PLEKHA6: variants seen among roughly 807,000 people sequenced by gnomAD.
PLEKHA6 encodes the protein pleckstrin homology domain containing A6.
A neutral mutation model predicts 116.7 loss-of-function variants in PLEKHA6; 60 were observed. That is an observed-to-expected ratio of 0.51 (90% confidence interval 0.42 to 0.64). The LOEUF (loss-of-function observed/expected upper bound fraction) is 0.64, where lower values mean the gene tolerates loss of function less well. Among genes scored for constraint, PLEKHA6 ranks in the 30% least tolerant of loss-of-function variants. PLEKHA6 has a pLI of 0.00. For missense variants in PLEKHA6, 1,338 were observed against 1,422.7 expected (o/e 0.94, Z 0.96); for synonymous variants, 489 against 556.1 (o/e 0.88, Z 1.70).
intron 17 of PLEKHA6, among the ~76,000 whole-genome samples, chr1:204,232,049 A>G (rs1221739419): frequency 1.3e-5 from 2 of 152,194 alleles, no homozygotes; most frequent in African/African-American, 4.8e-5. Context: ...GCTTCTGGTA[A>G]GGTCTCAGAA....
intron 17 of PLEKHA6, among the ~76,000 whole-genome samples, chr1:204,232,443 G>A (rs1000324128): frequency 1.6e-4 from 24 of 152,090 alleles, no homozygotes; most frequent in African/African-American, 5.8e-4. Context: ...AAAGAGATTA[G>A]GTATGTCTCA....
chr1:204,241,956 TGGGA>T, intron 15 of PLEKHA6, 142 bp from the exon 16 acceptor site: 1 of 891,196 alleles, frequency 1.1e-6, no homozygotes, highest in Non-Finnish European at 1.8e-6. Context: ...GTGTGCCGCC[TGGGA>T]GGCGGACAGG....
chr1:204,274,258 C>T (rs958286733), intron 2 of PLEKHA6, among the ~76,000 whole-genome samples: 1 of 152,120 alleles, frequency 6.6e-6, no homozygotes, highest in East Asian at 1.9e-4. Context: ...AAAATCTAGA[C>T]CCTGGGGATC....
intron 1 of PLEKHA6, among the ~76,000 whole-genome samples, chr1:204,336,382 G>A (rs1672649290): frequency 6.6e-6 from 1 of 152,170 alleles, no homozygotes; most frequent in African/African-American, 2.4e-5. Context: ...TGAAATGCAA[G>A]GTCTTTTACA....
At chr1:204,372,932 C>T (rs1410549463) in intron 1 of PLEKHA6, among the ~76,000 whole-genome samples, 3 of 146,060 alleles carry the variant, frequency 2.1e-5, no homozygotes, top group African/African-American at 5.1e-5. Flanking sequence ...TTTTTTTTGA[C>T]GGTCTCACTC....
chr1:204,311,674 G>C (rs750462647), intron 1 of PLEKHA6: 6 of 971,224 alleles, frequency 6.2e-6, no homozygotes, highest in Non-Finnish European at 7.3e-6. Context: ...TCAACTCTTT[G>C]GAACTGAAAG....
At chr1:204,307,076 G>T (rs548794605) in intron 1 of PLEKHA6, among the ~76,000 whole-genome samples, 89 of 152,282 alleles carry the variant, frequency 5.8e-4, no homozygotes, top group African/African-American at 2.1e-3. Context: ...AGAGAAAGAA[G>T]GGATAAATGA....
chr1:204,231,472 T>C (rs1381615126), intron 17 of PLEKHA6, among the ~76,000 whole-genome samples: 1 of 152,204 alleles, frequency 6.6e-6, no homozygotes, highest in Non-Finnish European at 1.5e-5. Context: ...TCCTCCAGTA[T>C]ACTTTAAATC....
At chr1:204,328,043 T>G (rs907891785) in intron 1 of PLEKHA6, among the ~76,000 whole-genome samples, 1 of 126,850 alleles carries the variant, frequency 7.9e-6, no homozygotes, top group Non-Finnish European at 1.6e-5. Flanking sequence ...CTGCTTTTAT[T>G]TATTTTATTT....
At chr1:204,276,331 T>A (rs1668001124) in intron 1 of PLEKHA6, among the ~76,000 whole-genome samples, 1 of 151,916 alleles carries the variant, frequency 6.6e-6, no homozygotes. Flanking sequence ...ACTCCCCACT[T>A]CCCAAACTTT....
At chr1:204,375,408 C>T (rs73061830) in intron 1 of PLEKHA6, among the ~76,000 whole-genome samples, 11,531 of 152,144 alleles carry the variant, frequency 0.076, 699 homozygotes, top group African/African-American at 0.17. Context: ...AGCTTCACCT[C>T]TGATTCCTCC....
intron 1 of PLEKHA6, among the ~76,000 whole-genome samples, chr1:204,316,035 A>G (rs1671844297): frequency 6.6e-6 from 1 of 152,164 alleles, no homozygotes; most frequent in African/African-American, 2.4e-5. Context: ...TCATAACTAA[A>G]TGAAGCTGGA....
chr1:204,285,533 T>C (rs916579046), intron 1 of PLEKHA6, among the ~76,000 whole-genome samples: 1 of 151,892 alleles, frequency 6.6e-6, no homozygotes, highest in Admixed American at 6.6e-5. Context: ...TGGAGTTCAG[T>C]AGTGCGATTT....
At chr1:204,273,133 G>GTT (rs1170984412) in intron 3 of PLEKHA6, among the ~76,000 whole-genome samples, 1 of 152,080 alleles carries the variant, frequency 6.6e-6, no homozygotes, top group East Asian at 1.9e-4. Context: ...TTCTCCTGGG[G>GTT]CTCTCTTCCT....
chr1:204,250,299 C>T (rs1040132749), intron 10 of PLEKHA6, among the ~76,000 whole-genome samples: 11 of 152,258 alleles, frequency 7.2e-5, no homozygotes, highest in African/African-American at 2.6e-4. Flanking sequence ...ATGGATACAG[C>T]CAGCATGGGA....
intron 9 of PLEKHA6, among the ~76,000 whole-genome samples, chr1:204,256,282 AG>A (rs1396913718): frequency 6.6e-6 from 1 of 152,164 alleles, no homozygotes; most frequent in Non-Finnish European, 1.5e-5. Context: ...TGGTGGCAAA[AG>A]TTCTCAGGAG....
At chr1:204,322,712 T>A (rs116005513) in intron 1 of PLEKHA6, among the ~76,000 whole-genome samples, 2,838 of 152,204 alleles carry the variant, frequency 0.019, 39 homozygotes, top group Non-Finnish European at 0.024. Context: ...ATAATCACAC[T>A]CCTCACACAT....
At chr1:204,297,125 G>T (rs1039579106) in intron 1 of PLEKHA6, 3 of 982,962 alleles carry the variant, frequency 3.1e-6, no homozygotes, top group Non-Finnish European at 2.4e-6. Flanking sequence ...GATAAAATCC[G>T]AATCAGATGG....
intron 1 of PLEKHA6, among the ~76,000 whole-genome samples, chr1:204,288,456 G>T (rs1669421439): frequency 6.6e-6 from 1 of 152,208 alleles, no homozygotes; most frequent in Non-Finnish European, 1.5e-5. Context: ...GAGGCGTTTG[G>T]CTCTGGCACG....
Sources: allele counts gnomAD v4.1 joint callset (sites outside exome capture counted in the v4.1 genomes callset), GRCh38; gene constraint gnomAD v4.1.1; transcripts MANE v1.5; gene names NCBI Gene and HGNC (gene_info 2026-07-23, HGNC 2026-07-21).